CHCHD6: variants seen among roughly 807,000 people sequenced by gnomAD.
CHCHD6 encodes coiled-coil-helix-coiled-coil-helix domain containing 6, also known as MICOS complex subunit MIC25.
CHCHD6 carries 28 observed loss-of-function variants against 32.3 expected under a neutral mutation model. The ratio of observed to expected loss-of-function variants is 0.87; its 90% CI spans 0.64 to 1.19. CHCHD6 has a LOEUF of 1.19. Among genes scored for constraint, CHCHD6 ranks in the 50% most tolerant of loss-of-function variants. The pLI, the probability that CHCHD6 is intolerant of heterozygous loss-of-function variation, is 0.00. For missense variants in CHCHD6, 333 were observed against 307.0 expected, an observed-to-expected ratio of 1.08 and a Z score of -0.63; for synonymous variants, 122 against 117.5, an observed-to-expected ratio of 1.04 and a Z score of -0.25.
intron 6 of CHCHD6, among the ~76,000 whole-genome samples, chr3:126,944,193 A>G (rs2078602226): frequency 6.6e-6 from 1 of 152,252 alleles, no homozygotes; most frequent in South Asian, 2.1e-4. Context: ...GTGAGAATGC[A>G]GGACACGGCA....
intron 7 of CHCHD6, among the ~76,000 whole-genome samples, chr3:126,958,750 G>A (rs527602898): frequency 6.5e-4 from 99 of 152,290 alleles, no homozygotes; most frequent in Admixed American, 1.6e-3. Flanking sequence ...TAGGACAGGC[G>A]GCCTCCTCCT....
chr3:126,844,746 T>G (rs1941234033), intron 4 of CHCHD6, among the ~76,000 whole-genome samples: 1 of 152,202 alleles, frequency 6.6e-6, no homozygotes, highest in Admixed American at 6.5e-5. Context: ...CAAAAGGAAC[T>G]TTGCAGGTGT....
At chr3:126,766,729 G>T in intron 4 of CHCHD6, 1 of 1,166,946 alleles carries the variant, frequency 8.6e-7, no homozygotes, top group Non-Finnish European at 1.3e-6. Context: ...GTCCTGCACT[G>T]CTTTTGGGTA....
intron 7 of CHCHD6, among the ~76,000 whole-genome samples, chr3:126,959,252 C>T (rs1362398921): frequency 6.6e-6 from 1 of 152,276 alleles, no homozygotes; most frequent in African/African-American, 2.4e-5. Context: ...TTCCCGGCCC[C>T]TACCCCTGAC....
At chr3:126,950,225 T>C (rs540337042) in intron 6 of CHCHD6, among the ~76,000 whole-genome samples, 35 of 152,210 alleles carry the variant, frequency 2.3e-4, no homozygotes, top group African/African-American at 7.5e-4. Context: ...AGAGGCTTTC[T>C]GTGCATGGAA....
intron 5 of CHCHD6, among the ~76,000 whole-genome samples, chr3:126,863,924 A>C (rs1477049646): frequency 0.014 from 344 of 24,438 alleles, no homozygotes; most frequent in Admixed American, 0.022. Context: ...TCCACCATCG[A>C]CACCTCCTCC....
chr3:126,891,510 A>T (rs2077759544), intron 5 of CHCHD6, among the ~76,000 whole-genome samples: 1 of 152,112 alleles, frequency 6.6e-6, no homozygotes, highest in African/African-American at 2.4e-5. Context: ...AGGAACCAGG[A>T]GGCAGTTCCA....
rs905952840 is a variant in CHCHD6, at chr3:126,882,593, C to T, written c.495+29863C>T. Among the ~76,000 whole-genome samples the T allele has an allele frequency of 3.3e-5, 5 of 152,310 alleles. No individual in the cohort carries two copies. In the South Asian group the frequency reaches 6.2e-4, roughly 19 times the overall value. Reference sequence around the variant, plus strand: ...ATTTAACACCTGTTATCGCCAGGCCCTATATTAGGCACATATCAGAAATTA... The same window carrying T: ...ATTTAACACCTGTTATCGCCAGGCCTTATATTAGGCACATATCAGAAATTA... On this transcript the variant is annotated intron_variant, in intron 5 of 7. Coordinates refer to ENST00000290913, the MANE Select transcript of CHCHD6 (RefSeq NM_032343.3).
intron 4 of CHCHD6, among the ~76,000 whole-genome samples, chr3:126,803,357 G>A (rs931657589): frequency 2.0e-5 from 3 of 152,084 alleles, no homozygotes; most frequent in Non-Finnish European, 2.9e-5. Context: ...TCAAAATAAA[G>A]GGATGGAGGA....
chr3:126,744,221 G>A (rs888019372), intron 4 of CHCHD6, among the ~76,000 whole-genome samples: 1 of 152,202 alleles, frequency 6.6e-6, no homozygotes, highest in African/African-American at 2.4e-5. Flanking sequence ...GAGGGTCTTG[G>A]TTATTTTAAG....
At chr3:126,864,974 TCA>T (rs1942214387) in intron 5 of CHCHD6, among the ~76,000 whole-genome samples, 1 of 129,610 alleles carries the variant, frequency 7.7e-6, no homozygotes, top group Admixed American at 7.4e-5. Flanking sequence ...ACCACCTCCA[TCA>T]TCACCACTAC....
At chr3:126,870,569 G>C (rs1306560626) in intron 5 of CHCHD6, among the ~76,000 whole-genome samples, 1 of 152,162 alleles carries the variant, frequency 6.6e-6, no homozygotes, top group African/African-American at 2.4e-5. Flanking sequence ...CTGCTTGTGA[G>C]GGACTGTCTT....
chr3:126,782,555 C>T (rs1215885060), intron 4 of CHCHD6, among the ~76,000 whole-genome samples: 2 of 152,326 alleles, frequency 1.3e-5, no homozygotes, highest in Non-Finnish European at 2.9e-5. Flanking sequence ...TACAAGGATA[C>T]AGGGAAGCTC....
At chr3:126,837,063 T>C (rs1032765188) in intron 4 of CHCHD6, among the ~76,000 whole-genome samples, 1 of 152,202 alleles carries the variant, frequency 6.6e-6, no homozygotes, top group Non-Finnish European at 1.5e-5. Context: ...ATTTCCGACC[T>C]TATCATCCTT....
chr3:126,858,496 C>T (rs1486108041), intron 5 of CHCHD6, among the ~76,000 whole-genome samples: 4 of 152,176 alleles, frequency 2.6e-5, no homozygotes, highest in African/African-American at 9.7e-5. Flanking sequence ...CCCCTCGCTG[C>T]CAGGCACCCT....
At chr3:126,939,924 TGC>T (rs1187445687) in intron 6 of CHCHD6, among the ~76,000 whole-genome samples, 4 of 152,194 alleles carry the variant, frequency 2.6e-5, no homozygotes, top group African/African-American at 4.8e-5. Context: ...GACGTGTGTG[TGC>T]ATATATATCA....
Position 126,831,463 on chromosome 3 carries a change from C to G in CHCHD6, c.412-21184C>G, listed in dbSNP as rs368622587. Among the ~76,000 whole-genome samples the G allele has an allele frequency of 8.5e-5, 13 of 152,306 alleles. No homozygotes were observed. In the East Asian group the frequency reaches 1.4e-3, roughly 16 times the overall value. On this transcript the variant is annotated intron_variant, in intron 4 of 7. Coordinates refer to ENST00000290913, the MANE Select transcript of CHCHD6 (RefSeq NM_032343.3). Reference sequence around the variant, plus strand: ...CTGTATTGCAATTAGTTTTATGTCTCTCTCCTCGATGTAAGTGATGAGTGG... The same window carrying G: ...CTGTATTGCAATTAGTTTTATGTCTGTCTCCTCGATGTAAGTGATGAGTGG...
chr3:126,799,808 A>G (rs1290331908), intron 4 of CHCHD6, among the ~76,000 whole-genome samples: 2 of 152,220 alleles, frequency 1.3e-5, no homozygotes, highest in African/African-American at 4.8e-5. Context: ...GAGAAAAAGA[A>G]GGCTGCGCCA....
intron 5 of CHCHD6, among the ~76,000 whole-genome samples, chr3:126,866,248 G>A (rs1942287418): frequency 6.6e-6 from 1 of 152,188 alleles, no homozygotes; most frequent in African/African-American, 2.4e-5. Flanking sequence ...TTGGTGCCCA[G>A]TAGTTAGCAT....
Sources: allele counts gnomAD v4.1 joint callset (sites outside exome capture counted in the v4.1 genomes callset), GRCh38; gene constraint gnomAD v4.1.1; transcripts MANE v1.5; gene names NCBI Gene and HGNC (gene_info 2026-07-23, HGNC 2026-07-21).